STK39: variants seen among roughly 807,000 people sequenced by gnomAD.
STK39 encodes serine/threonine kinase 39.
STK39 carries 20 observed loss-of-function variants against 77.8 expected under a neutral mutation model. The ratio of observed to expected loss-of-function variants is 0.26; its 90% CI spans 0.18 to 0.37. The LOEUF is 0.37. STK39 is among the 10% of genes least tolerant of loss of function. The pLI, the probability that STK39 is intolerant of heterozygous loss-of-function variation, is 1.00. For synonymous variants in STK39, 246 were observed against 234.1 expected (o/e 1.05, Z -0.47); for missense variants, 479 against 656.5 (o/e 0.73, Z 2.95).
At chr2:167,991,701 A>G (rs1238304544) in intron 16 of STK39, among the ~76,000 whole-genome samples, 2 of 152,232 alleles carry the variant, frequency 1.3e-5, no homozygotes, top group Non-Finnish European at 2.9e-5. Flanking sequence ...TAGAGACTGA[A>G]TATCAGCAGG....
chr2:168,137,893 C>T (rs1043437932), intron 8 of STK39, among the ~76,000 whole-genome samples, 195 bp downstream of exon 8: 16 of 152,362 alleles, frequency 1.1e-4, no homozygotes, highest in East Asian at 1.9e-4. Flanking sequence ...GCCTCTCCTT[C>T]GTTCTTCACC....
chr2:168,024,972 T>C (rs141104993), intron 14 of STK39, among the ~76,000 whole-genome samples: 51 of 152,332 alleles, frequency 3.3e-4, no homozygotes, highest in Non-Finnish European at 6.2e-4. Context: ...GGTACACAGA[T>C]AGTATTTGTT....
intron 10 of STK39, among the ~76,000 whole-genome samples, chr2:168,117,067 A>G (rs184119268): frequency 6.6e-6 from 1 of 152,222 alleles, no homozygotes; most frequent in Non-Finnish European, 1.5e-5. Flanking sequence ...CAAATAATAC[A>G]AAGTGCATAA....
chr2:167,959,872 AC>A (rs1298816303), intron 17 of STK39, among the ~76,000 whole-genome samples: 1 of 152,076 alleles, frequency 6.6e-6, no homozygotes, highest in Admixed American at 6.5e-5. Flanking sequence ...CCACGGCTTT[AC>A]ACCAACGTCA....
intron 16 of STK39, among the ~76,000 whole-genome samples, chr2:167,989,579 T>TA (rs1156303872): frequency 1.3e-5 from 2 of 152,146 alleles, no homozygotes; most frequent in African/African-American, 4.8e-5. Context: ...CAGTGGGTGA[T>TA]AGAGTTAGCA....
Position 168,247,465 on chromosome 2 carries a change from C to A in STK39, c.-30G>T. 2 of 1,305,462 alleles carry A rather than the reference C, an allele frequency of 1.5e-6. No homozygotes were observed. The highest frequency in any genetic ancestry group is 9.9e-7 in the Non-Finnish European group (1 of 1,012,930). 80.9% of individuals were successfully genotyped at this position (1,305,462 alleles called of 1,614,324 possible). A position where few individuals can be genotyped will look rare whatever the true frequency, so the allele number is the denominator to read the frequency against. ...CTGCGGAGGAGAGCAGGAGGACGCG[C>A]CGGCCGACGGACGACCTTCCACTTG... On this transcript the variant is annotated 5_prime_UTR_variant, in exon 1 of 18. Coordinates refer to ENST00000355999, the MANE Select transcript of STK39 (RefSeq NM_013233.3).
At chr2:168,065,167 G>A in intron 13 of STK39, 152 bp downstream of exon 13, 1 of 709,864 alleles carries the variant, frequency 1.4e-6, no homozygotes, top group South Asian at 1.9e-5. Context: ...GTCCCACAAA[G>A]CACAGTCAAT....
intron 16 of STK39, among the ~76,000 whole-genome samples, chr2:168,005,446 A>C (rs1684108033): frequency 6.6e-6 from 1 of 152,150 alleles, no homozygotes; most frequent in Admixed American, 6.5e-5. Context: ...ATAGTGAATT[A>C]CTATTTCTTT....
At chr2:168,041,539 C>T (rs1020941934) in intron 14 of STK39, among the ~76,000 whole-genome samples, 1 of 152,030 alleles carries the variant, frequency 6.6e-6, no homozygotes, top group African/African-American at 2.4e-5. Flanking sequence ...GGAGGCTCGT[C>T]TGTCTAAGTG....
At chr2:168,127,779 G>A (rs1391039375) in intron 10 of STK39, among the ~76,000 whole-genome samples, 1 of 152,184 alleles carries the variant, frequency 6.6e-6, no homozygotes, top group Non-Finnish European at 1.5e-5. Flanking sequence ...GCCTAAGAAA[G>A]AATAGAAACG....
At chr2:168,018,572 A>AAG (rs1182496735) in intron 14 of STK39, among the ~76,000 whole-genome samples, 16 of 144,002 alleles carry the variant, frequency 1.1e-4, no homozygotes, top group African/African-American at 4.2e-4. Flanking sequence ...GAAAGAAAGA[A>AAG]AGAAAGAAAG....
intron 1 of STK39, among the ~76,000 whole-genome samples, chr2:168,192,449 A>G (rs1314505844): frequency 1.3e-5 from 2 of 152,190 alleles, no homozygotes; most frequent in African/African-American, 4.8e-5. Flanking sequence ...TTTCCAACAC[A>G]ATTCCTAAAA....
chr2:168,111,684 A>C (rs531511940), intron 10 of STK39, among the ~76,000 whole-genome samples: 29 of 152,338 alleles, frequency 1.9e-4, no homozygotes, highest in African/African-American at 6.7e-4. Context: ...ATTCATTACA[A>C]ATACAGCAAT....
chr2:168,072,013 G>A (rs1685954194), intron 12 of STK39, among the ~76,000 whole-genome samples: 1 of 152,056 alleles, frequency 6.6e-6, no homozygotes. Context: ...CAGCCTAAGT[G>A]CTCGCCAAGA....
intron 10 of STK39, among the ~76,000 whole-genome samples, chr2:168,079,711 A>G (rs1423403109): frequency 6.6e-6 from 1 of 152,238 alleles, no homozygotes; most frequent in Admixed American, 6.5e-5. Context: ...CAGGGGTCAT[A>G]TTCTCATTCA....
At chr2:168,098,492 G>A (rs1686733946) in intron 10 of STK39, among the ~76,000 whole-genome samples, 1 of 152,136 alleles carries the variant, frequency 6.6e-6, no homozygotes, top group Non-Finnish European at 1.5e-5. Context: ...GCCTGACTGG[G>A]ATACGGTCAA....
At chr2:168,165,398 T>C (rs754865138) in intron 3 of STK39, among the ~76,000 whole-genome samples, 7 of 152,012 alleles carry the variant, frequency 4.6e-5, no homozygotes, top group Admixed American at 3.3e-4. Context: ...AGCAGAGCAT[T>C]TGGGACTATT....
chr2:168,225,498 C>G (rs1348122255), intron 1 of STK39, among the ~76,000 whole-genome samples: 4 of 151,962 alleles, frequency 2.6e-5, no homozygotes, highest in Admixed American at 2.6e-4. Context: ...GCAGAAAAGG[C>G]AAGACCAGAC....
intron 1 of STK39, among the ~76,000 whole-genome samples, chr2:168,236,927 T>A (rs1276253365): frequency 6.6e-6 from 1 of 152,148 alleles, no homozygotes; most frequent in Non-Finnish European, 1.5e-5. Context: ...GACTTGGCAA[T>A]GCGGGCTTTT....
Sources: allele counts gnomAD v4.1 joint callset (sites outside exome capture counted in the v4.1 genomes callset), GRCh38; gene constraint gnomAD v4.1.1; transcripts MANE v1.5; gene names NCBI Gene and HGNC (gene_info 2026-07-23, HGNC 2026-07-21).